PINX1: variants seen among roughly 807,000 people sequenced by gnomAD.
The protein encoded by PINX1 is PIN2 (TERF1) interacting telomerase inhibitor 1.
A neutral mutation model predicts 25.4 loss-of-function variants in PINX1; 34 were observed. The ratio of observed to expected loss-of-function variants is 1.34; its 90% CI spans 1.02 to 1.78. PINX1 has a LOEUF of 1.78. Among genes scored for constraint, PINX1 ranks in the 40% most tolerant of loss-of-function variants. The pLI is 0.00. For synonymous variants in PINX1, 197 were observed against 147.7 expected (o/e 1.33, Z -2.42); for missense variants, 592 against 404.9 (o/e 1.46, Z -3.97).
chr8:10,773,701 C>G (rs946244484), intron 6 of PINX1, among the ~76,000 whole-genome samples: 30 of 152,282 alleles, frequency 2.0e-4, no homozygotes, highest in African/African-American at 7.0e-4. Flanking sequence ...CCGATTGCCA[C>G]TTATTAGGAA....
intron 6 of PINX1, chr8:10,771,455 G>C (rs1003633677): frequency 2.6e-5 from 4 of 152,168 alleles, no homozygotes; most frequent in Non-Finnish European, 5.9e-5. Context: ...CCCCATAATA[G>C]CAACTTGTTG....
chr8:10,799,572 C>T (rs989102376), intron 6 of PINX1, among the ~76,000 whole-genome samples: 13 of 152,174 alleles, frequency 8.5e-5, no homozygotes, highest in African/African-American at 2.9e-4. Context: ...GACAGGTGAG[C>T]GGCCTGACTG....
chr8:10,825,469 G>A lies in PINX1; in HGVS notation c.394+683C>T, dbSNP rs373663822. The A allele has an allele frequency of 7.5e-6, 4 of 534,302 alleles. No homozygotes were observed. In the African/African-American group the frequency reaches 7.7e-5, roughly 10 times the overall value. 33.1% of individuals were successfully genotyped at this position (534,302 alleles called of 1,614,324 possible). On this transcript the variant is annotated intron_variant, in intron 5 of 6. Coordinates refer to ENST00000314787, the MANE Select transcript of PINX1 (RefSeq NM_017884.6). Reference sequence around the variant, plus strand: ...GTTCTACAGACAAACTGGGGAGTTGGTTCTATTAGGTTAAATTGCTTCTTT... The same window carrying A: ...GTTCTACAGACAAACTGGGGAGTTGATTCTATTAGGTTAAATTGCTTCTTT...
chr8:10,769,105 ACTT>A (rs1332009877), intron 6 of PINX1, among the ~76,000 whole-genome samples: 4 of 152,306 alleles, frequency 2.6e-5, no homozygotes, highest in South Asian at 4.1e-4. Context: ...TAACTTGAAA[ACTT>A]CTGGTTCCAT....
intron 6 of PINX1, among the ~76,000 whole-genome samples, chr8:10,790,845 C>G (rs1468952827): frequency 6.6e-6 from 1 of 152,080 alleles, no homozygotes; most frequent in Non-Finnish European, 1.5e-5. Context: ...CAAGTACACG[C>G]AAAACAAACA....
At chr8:10,768,764 A>G (rs1390717321) in intron 6 of PINX1, among the ~76,000 whole-genome samples, 4 of 152,230 alleles carry the variant, frequency 2.6e-5, no homozygotes, top group African/African-American at 9.6e-5. Flanking sequence ...TTTATACACC[A>G]AAGTCGGAGA....
Position 10,801,985 on chromosome 8 carries a change from G to A in PINX1, c.471+18208C>T, listed in dbSNP as rs116601867. On this transcript the variant is annotated intron_variant, in intron 6 of 6. Transcript: ENST00000314787. Reference sequence around the variant, plus strand: ...CACAGTACTGCCCCATCCCCGCAATGGAGAAGCAGAAGATGCAATGCATGC... The same window carrying A: ...CACAGTACTGCCCCATCCCCGCAATAGAGAAGCAGAAGATGCAATGCATGC... Among the ~76,000 whole-genome samples the A allele has an allele frequency of 2.0e-3, 306 of 152,230 alleles. 1 individual carries two copies. Among genetic ancestry groups the A allele is most frequent in the African/African-American group, 7.2e-3 (299 of 41,542 alleles).
At chr8:10,804,363 C>G (rs1802368773) in intron 6 of PINX1, among the ~76,000 whole-genome samples, 1 of 152,172 alleles carries the variant, frequency 6.6e-6, no homozygotes, top group Admixed American at 6.5e-5. Flanking sequence ...CTGAAAGAGG[C>G]AGCAGCAGAG....
chr8:10,839,702 A>G lies in PINX1; in HGVS notation c.19+36T>C, dbSNP rs536948143. ...TGCGCGTCACCCGGCATCTTCACCA[A>G]CGCGCCTGGGTCGGGCCTCCGCTTC... On this transcript the variant is annotated intron_variant, in intron 1 of 6. Transcript: ENST00000314787. The G allele has an allele frequency of 1.6e-5, 26 of 1,593,354 alleles. No homozygotes were observed. The African/African-American group carries it at 3.2e-4, about 20-fold the overall frequency.
chr8:10,834,642 T>C, intron 2 of PINX1, 24 bp downstream of exon 2: 1 of 1,610,660 alleles, frequency 6.2e-7, no homozygotes, highest in Non-Finnish European at 8.5e-7. Context: ...AGCTCAGATT[T>C]TTTTCCGCTT....
chr8:10,795,866 C>T (rs1457240751), intron 6 of PINX1, among the ~76,000 whole-genome samples: 1 of 147,544 alleles, frequency 6.8e-6, no homozygotes, highest in Non-Finnish European at 1.5e-5. Flanking sequence ...ATTCACAAAT[C>T]CCATTTGATT....
At chr8:10,829,988 T>C (rs1453563011) in intron 4 of PINX1, among the ~76,000 whole-genome samples, 1 of 152,206 alleles carries the variant, frequency 6.6e-6, no homozygotes, top group South Asian at 2.1e-4. Context: ...TACATTCTTA[T>C]CTGTGTTTCT....
chr8:10,772,710 T>C (rs765393357), intron 6 of PINX1, among the ~76,000 whole-genome samples: 18 of 151,974 alleles, frequency 1.2e-4, no homozygotes, highest in Non-Finnish European at 1.8e-4. Context: ...CTGAAGAGAG[T>C]TGTGATTTGA....
At chr8:10,786,071 T>C (rs1262861269) in intron 6 of PINX1, among the ~76,000 whole-genome samples, 2 of 152,246 alleles carry the variant, frequency 1.3e-5, no homozygotes, top group East Asian at 3.8e-4. Context: ...CCAGGTTGTA[T>C]GTGGATCCAC....
At chr8:10,790,927 T>A (rs140671101) in intron 6 of PINX1, among the ~76,000 whole-genome samples, 82 of 152,172 alleles carry the variant, frequency 5.4e-4, no homozygotes, top group African/African-American at 2.0e-3. Flanking sequence ...CCCCAGTTTT[T>A]ATTGAGACAG....
At chr8:10,819,186 G>C (rs1315870583) in intron 6 of PINX1, among the ~76,000 whole-genome samples, 1 of 152,238 alleles carries the variant, frequency 6.6e-6, no homozygotes, top group Non-Finnish European at 1.5e-5. Context: ...CAGGAATTCA[G>C]TCCCAATCTG....
intron 6 of PINX1, among the ~76,000 whole-genome samples, chr8:10,795,506 T>C (rs1802057944): frequency 6.6e-6 from 1 of 152,200 alleles, no homozygotes; most frequent in African/African-American, 2.4e-5. Context: ...ATTCAAGTGA[T>C]TCTCCTGCCT....
chr8:10,799,036 T>G (rs1802178667), intron 6 of PINX1, among the ~76,000 whole-genome samples: 1 of 152,154 alleles, frequency 6.6e-6, no homozygotes, highest in Non-Finnish European at 1.5e-5. Flanking sequence ...AAATTAGAGG[T>G]AAGAACCCTT....
chr8:10,797,145 T>C (rs566807862), intron 6 of PINX1, among the ~76,000 whole-genome samples: 78 of 152,266 alleles, frequency 5.1e-4, no homozygotes, highest in African/African-American at 1.8e-3. Context: ...GAGAAGGGCC[T>C]GGTTTTTCAG....
Sources: gnomAD v4.1 joint callset for allele counts (sites outside exome capture counted in the v4.1 genomes callset) on GRCh38, gnomAD v4.1.1 for gene constraint, MANE v1.5 for transcripts, NCBI Gene and HGNC (gene_info 2026-07-23, HGNC 2026-07-21) for gene names.